Variants in PRMT9 observed in about 807,000 individuals in gnomAD.
The protein encoded by PRMT9 is protein arginine methyltransferase 9, also known as protein arginine N-methyltransferase 9.
Under a neutral mutation model 83.2 loss-of-function variants are expected in PRMT9, and 59 were observed. The observed-to-expected ratio is 0.71, with a 90% CI of 0.57 to 0.88. The LOEUF is 0.88. Ranked by LOEUF, PRMT9 falls within the 40% of genes least tolerant of loss-of-function variation. The pLI is 0.00. For synonymous variants in PRMT9, 333 were observed against 353.2 expected, an observed-to-expected ratio of 0.94 and a Z score of 0.64; for missense variants, 947 against 1,021.9, an observed-to-expected ratio of 0.93 and a Z score of 1.00.
chr4:147,675,069 C>T (rs1735979389), intron 2 of PRMT9, among the ~76,000 whole-genome samples: 1 of 152,150 alleles, frequency 6.6e-6, no homozygotes, highest in Non-Finnish European at 1.5e-5. Context: ...CAACCTCTGC[C>T]TCCCAGGTTC....
chr4:147,640,761 G>A (rs1190802943), intron 10 of PRMT9, among the ~76,000 whole-genome samples: 1 of 152,038 alleles, frequency 6.6e-6, no homozygotes. Flanking sequence ...TCTTGCTGTT[G>A]CCCAGACTGC....
chr4:147,670,372 T>A lies in PRMT9; in HGVS notation c.846+269A>T, dbSNP rs1039005453. ...TTTTGTATTTTTAGTAGAGATGGGG[T>A]TTCTCCATGTTGGTAAGGCTGGTCT... is the stretch of plus-strand genomic sequence containing the variant. On this transcript the variant is annotated intron_variant, in intron 5 of 11. Transcript: ENST00000322396. Among the ~76,000 whole-genome samples, 79 of 152,086 alleles carry A rather than the reference T, an allele frequency of 5.2e-4. 1 individual carries two copies. Among genetic ancestry groups the A allele is most frequent in the Middle Eastern group, 3.4e-3 (1 of 292 alleles).
At position 147,660,845 on chromosome 4, in the gene PRMT9, C is replaced by T. The variant is rs1734898213; in HGVS notation, c.1146+1G>A. On this transcript the variant is annotated splice_donor_variant, in intron 7 of 11. Coordinates refer to ENST00000322396, the MANE Select transcript of PRMT9 (RefSeq NM_138364.4). LOFTEE classifies it high-confidence loss of function. ...GAAAATAGTAACTGAATTTTTTTCA[C>T]CTGAAGGTTGTTGAAATCTACTGTC... 1 of 1,607,560 alleles carries T rather than the reference C, an allele frequency of 6.2e-7. No homozygotes were observed. The highest frequency in any genetic ancestry group is 1.7e-5 in the Admixed American group (1 of 59,944).
At chr4:147,653,745 G>T (rs1734281647) in intron 9 of PRMT9, 107 bp downstream of exon 9, 2 of 777,514 alleles carry the variant, frequency 2.6e-6, no homozygotes, top group Admixed American at 4.8e-5. Context: ...AGCATACAGT[G>T]ATCTTGACTT....
chr4:147,683,913 C>A lies in PRMT9; in HGVS notation c.75G>T (p.Val25=), dbSNP rs759141993. 1.2e-6 allele frequency: 2 copies of A among 1,613,358 alleles called. No homozygotes were observed. The highest frequency in any genetic ancestry group is 1.1e-5 in the South Asian group (1 of 91,072). Residue 25 remains valine, a synonymous_variant, in exon 1 of 12, where the codon GTG becomes GTT. Transcript: ENST00000322396. The part of the protein sequence containing the change: ...GAGAAGRDEL[V]SRSLQSAEHC... ...GCTCTGCGCTCTGCAAGGACCGCGACACCAGCTCGTCCCGGCCGGCTGCCC... is the reference window on the plus strand; with the variant it reads ...GCTCTGCGCTCTGCAAGGACCGCGAAACCAGCTCGTCCCGGCCGGCTGCCC...
intron 2 of PRMT9, among the ~76,000 whole-genome samples, chr4:147,674,979 C>CT (rs1274846788): frequency 5.3e-5 from 8 of 151,606 alleles, no homozygotes; most frequent in Non-Finnish European, 8.8e-5. Flanking sequence ...TTTAGAGAAA[C>CT]TTTTTTTTTC....
chr4:147,653,502 G>C (rs776559151), intron 9 of PRMT9, among the ~76,000 whole-genome samples: 22 of 151,104 alleles, frequency 1.5e-4, no homozygotes, highest in Non-Finnish European at 2.9e-4. Flanking sequence ...CCACTAAAAG[G>C]AACCAAAAGG....
Position 147,658,913 on chromosome 4 carries a change from C to T in PRMT9, c.1147-938G>A, listed in dbSNP as rs536131964. Among the ~76,000 whole-genome samples, 5 of 152,242 alleles carry T rather than the reference C, an allele frequency of 3.3e-5. No homozygotes were observed. The East Asian group carries it at 9.7e-4, about 29-fold the overall frequency. On this transcript the variant is annotated intron_variant, in intron 7 of 11. Transcript: ENST00000322396. ...AAGAGTTTGGGGCCGGGCACGGTTG[C>T]TCACACCTGTAATCCCAGCACTTTG...
chr4:147,638,785 A>G (rs1271508965), intron 11 of PRMT9, 38 bp from the exon 12 acceptor site: 3 of 1,485,402 alleles, frequency 2.0e-6, no homozygotes, highest in Non-Finnish European at 2.8e-6. Context: ...ATCAGAGTGC[A>G]TAGAGTAGAC....
At chr4:147,672,851 C>A in intron 4 of PRMT9, 108 bp downstream of exon 4, 1 of 811,338 alleles carries the variant, frequency 1.2e-6, no homozygotes, top group Non-Finnish European at 2.0e-6. Context: ...CATATCTTTA[C>A]AAAATAAGGG....
intron 4 of PRMT9, among the ~76,000 whole-genome samples, chr4:147,672,389 G>A (rs1203986959): frequency 6.6e-6 from 1 of 152,220 alleles, no homozygotes; most frequent in Non-Finnish European, 1.5e-5. Context: ...AATGACTAGT[G>A]TGGAACCAGA....
intron 10 of PRMT9, among the ~76,000 whole-genome samples, chr4:147,642,025 G>A (rs1050288732): frequency 6.6e-6 from 1 of 152,084 alleles, no homozygotes; most frequent in African/African-American, 2.4e-5. Flanking sequence ...CTTGAGCTCT[G>A]TTTTCCTAGG....
At chr4:147,665,784 A>AT (rs1735286634) in intron 6 of PRMT9, among the ~76,000 whole-genome samples, 1 of 152,126 alleles carries the variant, frequency 6.6e-6, no homozygotes, top group African/African-American at 2.4e-5. Flanking sequence ...TACCTTAACC[A>AT]TTTTTTTGCA....
chr4:147,673,146 T>C lies in PRMT9; in HGVS notation c.576-20A>G, dbSNP rs1272086788. 1.2e-6 allele frequency: 2 copies of C among 1,612,334 alleles called. No homozygotes were observed. Among genetic ancestry groups the C allele is most frequent in the African/African-American group, 2.7e-5 (2 of 74,902 alleles). The stretch of plus-strand genomic sequence containing the variant: ...AACATGCTACAAGGGAAAAAAGTTC[T>C]CCATCAAGAAAAAATAATCTACTGT... On this transcript the variant is annotated intron_variant, in intron 3 of 11. Coordinates refer to ENST00000322396, the MANE Select transcript of PRMT9 (RefSeq NM_138364.4).
At position 147,640,090 on chromosome 4, in the gene PRMT9, T is replaced by TTTTTA. The variant is rs758063617; in HGVS notation, c.2200-1009_2200-1008insTAAAA. The stretch of plus-strand genomic sequence containing the variant: ...TTTTTTTTTTTTTTTTTTTTTTTTT[T>TTTTTA]AATATAGGGTCTCACTCTGTTCCCC... On this transcript the variant is annotated intron_variant, in intron 10 of 11. Transcript: ENST00000322396. 3.5e-5 allele frequency among the ~76,000 whole-genome samples: 2 copies of TTTTTA among 57,780 alleles called. 1 individual carries two copies. Among genetic ancestry groups the TTTTTA allele is most frequent in the African/African-American group, 1.3e-4 (2 of 15,990 alleles). 37.9% of individuals were successfully genotyped at this position (57,780 alleles called of 152,430 possible).
chr4:147,651,964 T>C (rs1734125791), intron 9 of PRMT9, among the ~76,000 whole-genome samples: 1 of 152,210 alleles, frequency 6.6e-6, no homozygotes, highest in South Asian at 2.1e-4. Context: ...TTTAGGAATA[T>C]TTTATCATAA....
At chr4:147,667,202 T>C (rs1364553694) in intron 6 of PRMT9, among the ~76,000 whole-genome samples, 1 of 152,142 alleles carries the variant, frequency 6.6e-6, no homozygotes, top group Non-Finnish European at 1.5e-5. Flanking sequence ...AATTCCTTAT[T>C]AAGGAATTTA....
In PRMT9 at chr4:147,655,942, C is replaced by T. The variant is rs144129521; in HGVS notation, c.1331-1376G>A. On this transcript the variant is annotated intron_variant, in intron 8 of 11. Coordinates refer to ENST00000322396, the MANE Select transcript of PRMT9 (RefSeq NM_138364.4). Reference sequence around the variant, plus strand: ...AGGTATAAGAGAGTTAGAATAAACACAAGTAAAAAATGTCATTCACTGAGT... The same window carrying T: ...AGGTATAAGAGAGTTAGAATAAACATAAGTAAAAAATGTCATTCACTGAGT... Among the ~76,000 whole-genome samples, 315 of 152,284 alleles carry T rather than the reference C, an allele frequency of 2.1e-3. 1 individual carries two copies. Among genetic ancestry groups the T allele is most frequent in the Middle Eastern group, 0.014 (4 of 294 alleles).
chr4:147,654,255 G>A lies in PRMT9; in HGVS notation c.1642C>T (p.Leu548=), dbSNP rs763639663. 1 of 1,614,224 alleles carries A rather than the reference G, an allele frequency of 6.2e-7. No homozygotes were observed. Among genetic ancestry groups the A allele is most frequent in the Non-Finnish European group, 8.5e-7 (1 of 1,180,030 alleles). Residue 548 remains leucine (L), a synonymous_variant, in exon 9 of 12, where the codon CTG becomes TTG. Transcript: ENST00000322396. ...GTCTGATACAGTTTCTCTGGAGTCAGTGAAGACAAAACTTTGCTCATTGCC... is the reference window on the plus strand; with the variant it reads ...GTCTGATACAGTTTCTCTGGAGTCAATGAAGACAAAACTTTGCTCATTGCC... ...KMAMSKVLSS[L]TPEKLYQTMD...
Sources: gnomAD v4.1 joint callset for allele counts (sites outside exome capture counted in the v4.1 genomes callset) on GRCh38, gnomAD v4.1.1 for gene constraint, MANE v1.5 for transcripts, NCBI Gene and HGNC (gene_info 2026-07-23, HGNC 2026-07-21) for gene names.